AFF3: variants seen among roughly 807,000 people sequenced by gnomAD.
The protein encoded by AFF3 is ALF transcription elongation factor 3.
In AFF3, 32 loss-of-function variants were observed where a neutral mutation model predicts 129.7. That is an observed-to-expected ratio of 0.25 (90% CI 0.19 to 0.33). The LOEUF (loss-of-function observed/expected upper bound fraction) is 0.33, where lower values mean the gene tolerates loss of function less well. Ranked by LOEUF, AFF3 falls within the 10% of genes least tolerant of loss-of-function variation. The pLI, the probability that AFF3 is intolerant of heterozygous loss-of-function variation, is 1.00. For missense variants in AFF3, 1,373 were observed against 1,592.0 expected (o/e 0.86, Z 2.34); for synonymous variants, 644 against 635.4 (o/e 1.01, Z -0.20).
intron 11 of AFF3, among the ~76,000 whole-genome samples, chr2:99,711,473 C>T (rs1677884934): frequency 6.6e-6 from 1 of 152,162 alleles, no homozygotes; most frequent in Admixed American, 6.5e-5. Flanking sequence ...TGGTCCCAGG[C>T]TGCCTGAGAA....
At chr2:99,825,138 G>A (rs138422859) in intron 8 of AFF3, among the ~76,000 whole-genome samples, 6 of 152,130 alleles carry the variant, frequency 3.9e-5, no homozygotes, top group Admixed American at 1.3e-4. Context: ...TTATCAGAAC[G>A]TATAAAACGA....
At chr2:99,569,873 A>G (rs1676318171) in intron 18 of AFF3, among the ~76,000 whole-genome samples, 1 of 152,222 alleles carries the variant, frequency 6.6e-6, no homozygotes, top group African/African-American at 2.4e-5. Context: ...CAATGATTAC[A>G]TGCTTATTTT....
chr2:99,837,199 T>A (rs1688943856), intron 8 of AFF3, among the ~76,000 whole-genome samples: 1 of 152,242 alleles, frequency 6.6e-6, no homozygotes, highest in Non-Finnish European at 1.5e-5. Flanking sequence ...CATCCACATG[T>A]GAGCACCAGC....
chr2:99,957,172 TGTGTGTGTGC>T (rs1454937387), intron 7 of AFF3, among the ~76,000 whole-genome samples: 2 of 142,378 alleles, frequency 1.4e-5, no homozygotes, highest in Non-Finnish European at 3.0e-5. Context: ...TGCATGTACG[TGTGTGTGTGC>T]GTGTGTGTGT....
In AFF3 at chr2:99,568,812, A is replaced by G. The variant is rs757528425; in HGVS notation, c.2982+40T>C. The G allele has an allele frequency of 5.7e-6, 9 of 1,592,720 alleles. No individual in the cohort carries two copies. In the East Asian group the frequency reaches 6.7e-5, roughly 12 times the overall value. ...CCAGTGATGAAGCTGCAGTACACAC[A>G]TAATTTGGAAGAACGTATCTGGAAA... On this transcript the variant is annotated intron_variant, in intron 19 of 24. Transcript: ENST00000672756.
At chr2:99,891,176 A>G (rs1693521652) in intron 7 of AFF3, among the ~76,000 whole-genome samples, 1 of 152,132 alleles carries the variant, frequency 6.6e-6, no homozygotes, top group African/African-American at 2.4e-5. Context: ...TATTTGGAAT[A>G]ACTTCAGCGA....
chr2:99,613,579 T>G (rs1205795957), intron 13 of AFF3, among the ~76,000 whole-genome samples: 2 of 152,218 alleles, frequency 1.3e-5, no homozygotes, highest in Non-Finnish European at 2.9e-5. Context: ...ATTTTTCCTC[T>G]TTCTTCATTA....
At chr2:99,717,859 C>T (rs1393690540) in intron 11 of AFF3, among the ~76,000 whole-genome samples, 1 of 152,148 alleles carries the variant, frequency 6.6e-6, no homozygotes, top group Non-Finnish European at 1.5e-5. Flanking sequence ...TCTGTGCTCC[C>T]TCTCAATTGT....
chr2:99,764,179 C>T (rs1009172410), intron 8 of AFF3, among the ~76,000 whole-genome samples: 1 of 152,198 alleles, frequency 6.6e-6, no homozygotes, highest in African/African-American at 2.4e-5. Flanking sequence ...GCAGAGGCCA[C>T]AGGGCATCTG....
intron 7 of AFF3, among the ~76,000 whole-genome samples, chr2:99,963,130 T>C (rs1461417672): frequency 6.6e-6 from 1 of 151,926 alleles, no homozygotes; most frequent in Non-Finnish European, 1.5e-5. Context: ...CCAGAAAAAA[T>C]GTCCCTGACA....
intron 7 of AFF3, among the ~76,000 whole-genome samples, chr2:99,871,185 C>T (rs888812352): frequency 1.3e-5 from 2 of 152,132 alleles, no homozygotes; most frequent in Non-Finnish European, 2.9e-5. Flanking sequence ...CATGTATAGA[C>T]TCAGGAACCA....
chr2:99,818,250 C>G (rs1687392205), intron 8 of AFF3, among the ~76,000 whole-genome samples: 1 of 152,148 alleles, frequency 6.6e-6, no homozygotes, highest in Non-Finnish European at 1.5e-5. Context: ...AATCCAAAAT[C>G]TAAAACACTT....
intron 13 of AFF3, among the ~76,000 whole-genome samples, chr2:99,617,141 CA>C (rs1275798563): frequency 6.6e-6 from 1 of 152,206 alleles, no homozygotes; most frequent in Non-Finnish European, 1.5e-5. Context: ...TTTGTGCGAA[CA>C]TACGTTTTCA....
chr2:99,860,740 A>AT, intron 7 of AFF3, among the ~76,000 whole-genome samples: 1 of 152,204 alleles, frequency 6.6e-6, no homozygotes. Flanking sequence ...AAAAAAAAAA[A>AT]ATTAAATTGA....
At chr2:100,102,378 T>C (rs1416920681) in intron 4 of AFF3, among the ~76,000 whole-genome samples, 2 of 151,960 alleles carry the variant, frequency 1.3e-5, no homozygotes, top group Non-Finnish European at 2.9e-5. Flanking sequence ...ACTGTCCTAG[T>C]ATATTGTGAT....
At chr2:99,628,660 G>A (rs149283211) in intron 13 of AFF3, among the ~76,000 whole-genome samples, 1 of 150,734 alleles carries the variant, frequency 6.6e-6, no homozygotes, top group Admixed American at 6.6e-5. Flanking sequence ...GGGTTCCAGA[G>A]ATTCTCCTGC....
At chr2:100,022,482 C>G (rs1217149845) in intron 4 of AFF3, among the ~76,000 whole-genome samples, 9 of 151,338 alleles carry the variant, frequency 5.9e-5, no homozygotes, top group Non-Finnish European at 1.3e-4. Flanking sequence ...GTGATCTCGG[C>G]TCACTGTGAC....
chr2:99,830,568 AT>A (rs1688442929), intron 8 of AFF3, among the ~76,000 whole-genome samples: 1 of 152,168 alleles, frequency 6.6e-6, no homozygotes, highest in Non-Finnish European at 1.5e-5. Context: ...CCTGGCCAAC[AT>A]GGTGAAAACC....
intron 7 of AFF3, among the ~76,000 whole-genome samples, chr2:99,938,915 C>T (rs759169410): frequency 3.3e-5 from 5 of 152,128 alleles, no homozygotes; most frequent in Non-Finnish European, 5.9e-5. Context: ...TCTGTATACA[C>T]CTATAGAATT....
Sources: allele counts gnomAD v4.1 joint callset (sites outside exome capture counted in the v4.1 genomes callset), GRCh38; gene constraint gnomAD v4.1.1; transcripts MANE v1.5; gene names NCBI Gene and HGNC (gene_info 2026-07-23, HGNC 2026-07-21).